CAST: variants seen among roughly 807,000 people sequenced by gnomAD.
CAST encodes calpastatin, also known as MIR583 host.
Under a neutral mutation model 119.6 loss-of-function variants are expected in CAST, and 76 were observed. That is an observed-to-expected ratio of 0.64 (90% CI 0.53 to 0.77). The LOEUF (loss-of-function observed/expected upper bound fraction) is 0.77, where lower values mean the gene tolerates loss of function less well. CAST is among the 30% of genes least tolerant of loss of function. CAST has a pLI of 0.00. For missense variants in CAST, 953 were observed against 946.5 expected (o/e 1.01, Z -0.09); for synonymous variants, 319 against 331.6 (o/e 0.96, Z 0.41).
At chr5:96,369,737 G>A in the CAST span, among the ~76,000 whole-genome samples, 1 of 151,998 alleles carries the variant, frequency 6.6e-6, no homozygotes, top group African/African-American at 2.4e-5. Context: ...AATTCTCCTT[G>A]TTTTAGTATG....
chr5:96,405,265 A>C, the CAST span, among the ~76,000 whole-genome samples: 1 of 152,122 alleles, frequency 6.6e-6, no homozygotes, highest in Non-Finnish European at 1.5e-5. Context: ...GAGATCATAG[A>C]CTCTTAATAT....
chr5:96,481,666 G>C, the CAST span, among the ~76,000 whole-genome samples: 2 of 151,986 alleles, frequency 1.3e-5, no homozygotes, highest in African/African-American at 4.8e-5. Flanking sequence ...GGTTTCAAAA[G>C]GGACTCAAAC....
At chr5:96,689,293 T>C (rs984231109) in intron 2 of CAST, among the ~76,000 whole-genome samples, 4 of 152,244 alleles carry the variant, frequency 2.6e-5, no homozygotes, top group African/African-American at 9.6e-5. Context: ...TAGGAGGCAC[T>C]ATGTTATAGT....
At chr5:96,121,998 T>C in the CAST span, among the ~76,000 whole-genome samples, 4 of 152,178 alleles carry the variant, frequency 2.6e-5, no homozygotes, top group African/African-American at 9.7e-5. Context: ...AGCATTCTAA[T>C]TTTCTTTTTC....
chr5:96,449,270 A>G, the CAST span, among the ~76,000 whole-genome samples: 1 of 152,160 alleles, frequency 6.6e-6, no homozygotes, highest in Non-Finnish European at 1.5e-5. Context: ...CCCTAAGGCC[A>G]TGGAACAGTA....
intron 1 of CAST, among the ~76,000 whole-genome samples, chr5:96,634,896 G>C (rs989538049): frequency 2.0e-5 from 3 of 152,210 alleles, no homozygotes; most frequent in African/African-American, 7.2e-5. Flanking sequence ...GAAGAGCACT[G>C]GGTAAGATTT....
chr5:96,189,685 G>A, the CAST span, among the ~76,000 whole-genome samples: 1 of 151,808 alleles, frequency 6.6e-6, no homozygotes, highest in South Asian at 2.1e-4. Flanking sequence ...TCATCTTTTT[G>A]TGTTTCCTTT....
chr5:96,045,230 G>A, the CAST span, among the ~76,000 whole-genome samples: 1 of 152,090 alleles, frequency 6.6e-6, no homozygotes, highest in African/African-American at 2.4e-5. Flanking sequence ...GCAGGCGCCT[G>A]TAATACCAGC....
chr5:96,652,059 T>A (rs1478625009), intron 1 of CAST, among the ~76,000 whole-genome samples: 1 of 152,214 alleles, frequency 6.6e-6, no homozygotes, highest in African/African-American at 2.4e-5. Flanking sequence ...AAGCACTTAC[T>A]GCTAAGGACC....
chr5:96,701,185 C>T (rs996600442), intron 3 of CAST, among the ~76,000 whole-genome samples: 2 of 152,138 alleles, frequency 1.3e-5, no homozygotes, highest in African/African-American at 4.8e-5. Context: ...GCCTCGGCCT[C>T]CCAAAGTGGT....
the CAST span, among the ~76,000 whole-genome samples, chr5:96,205,435 C>G: frequency 2.6e-5 from 4 of 151,888 alleles, no homozygotes; most frequent in Non-Finnish European, 4.4e-5. Context: ...AAGCATAGTA[C>G]CTGATAGGCA....
At chr5:96,512,162 C>T in the CAST span, among the ~76,000 whole-genome samples, 11 of 152,236 alleles carry the variant, frequency 7.2e-5, no homozygotes, top group African/African-American at 2.7e-4. Flanking sequence ...TCACTGTATA[C>T]AGTTTTCCAT....
chr5:96,423,496 T>C, the CAST span: 2 of 1,607,958 alleles, frequency 1.2e-6, no homozygotes, highest in South Asian at 2.2e-5. Context: ...GATAAAATTA[T>C]CATTTGCTTG....
chr5:96,346,152 C>T, the CAST span, among the ~76,000 whole-genome samples: 1 of 152,062 alleles, frequency 6.6e-6, no homozygotes, highest in African/African-American at 2.4e-5. Context: ...AATAAAATTG[C>T]TAAAACATGA....
chr5:96,654,168 T>C (rs560039125), intron 1 of CAST, among the ~76,000 whole-genome samples: 68 of 151,894 alleles, frequency 4.5e-4, no homozygotes, highest in African/African-American at 1.6e-3. Context: ...GGATTACAGG[T>C]GTGCACCACC....
At chr5:96,558,044 C>A (rs1399983762) in intron 1 of CAST, among the ~76,000 whole-genome samples, 5 of 152,000 alleles carry the variant, frequency 3.3e-5, no homozygotes, top group South Asian at 4.2e-4. Flanking sequence ...ACTCAGGATT[C>A]AGAAACTCAC....
At chr5:96,542,199 A>G (rs6556928) in intron 1 of CAST, among the ~76,000 whole-genome samples, 93,145 of 151,388 alleles carry the variant, frequency 0.62, 28,997 homozygotes, top group East Asian at 0.86. Flanking sequence ...AGTCCCAACT[A>G]CTCAGGAGGC....
the CAST span, among the ~76,000 whole-genome samples, chr5:95,990,130 AT>A: frequency 1.3e-5 from 2 of 152,122 alleles, no homozygotes; most frequent in African/African-American, 4.8e-5. Flanking sequence ...TTATTTAATA[AT>A]TTAAAAATTA....
intron 1 of CAST, among the ~76,000 whole-genome samples, chr5:96,673,631 G>A (rs182571911): frequency 3.9e-5 from 6 of 152,246 alleles, no homozygotes; most frequent in South Asian, 2.1e-4. Context: ...AGGTATCCGA[G>A]GACAGAGACC....
Sources: gnomAD v4.1 joint callset for allele counts (sites outside exome capture counted in the v4.1 genomes callset) on GRCh38, gnomAD v4.1.1 for gene constraint, MANE v1.5 for transcripts, NCBI Gene and HGNC (gene_info 2026-07-23, HGNC 2026-07-21) for gene names.